Variants in ITGA4 observed in about 807,000 individuals in gnomAD.
The protein encoded by ITGA4 is integrin alpha-4.
ITGA4 carries 63 observed loss-of-function variants against 133.6 expected under a neutral mutation model. That is an observed-to-expected ratio of 0.47 (90% CI 0.38 to 0.58). The LOEUF is 0.58. Among genes scored for constraint, ITGA4 ranks in the 20% least tolerant of loss-of-function variants. The pLI is 0.00. For synonymous variants in ITGA4, 483 were observed against 438.0 expected, an observed-to-expected ratio of 1.10 and a Z score of -1.28; for missense variants, 1,076 against 1,252.7, an observed-to-expected ratio of 0.86 and a Z score of 2.13.
chr2:181,511,736 C>G lies in ITGA4; in HGVS notation c.1883C>G (p.Ser628Cys). Residue 628 changes from serine to cysteine, a missense_variant, in exon 17 of 28, where the codon TCT (serine) becomes TGT (cysteine). Around this residue, in one of 4 missense-constraint regions of ITGA4, gnomAD observed 365 missense variants for 421.4 expected, o/e 0.87. Coordinates refer to ENST00000397033, the MANE Select transcript of ITGA4 (RefSeq NM_000885.6). ...AGGTTTTGTGCCCATGAAAATTGTT[C>G]TGCTGATTTACAGGTTTCTGCAAAG... ...FARFCAHENC[S>C]ADLQVSAKIG... 1 of 1,599,618 alleles carries G rather than the reference C, an allele frequency of 6.3e-7. No homozygotes were observed. The highest frequency in any genetic ancestry group is 8.6e-7 in the Non-Finnish European group (1 of 1,167,506).
intron 12 of ITGA4, 32 bp downstream of exon 12, chr2:181,494,844 T>C (rs1174251653): frequency 1.8e-6 from 2 of 1,111,196 alleles, no homozygotes; most frequent in African/African-American, 3.1e-5. Context: ...ATTTATAAAT[T>C]GGAATAAGCT....
intron 4 of ITGA4, among the ~76,000 whole-genome samples, chr2:181,478,415 C>G (rs1685730200): frequency 6.6e-6 from 1 of 152,006 alleles, no homozygotes; most frequent in Non-Finnish European, 1.5e-5. Context: ...ATACGCATAT[C>G]AAACCTGATG....
chr2:181,527,228 T>C (rs1686851989), intron 21 of ITGA4, 69 bp from the exon 22 acceptor site: 9 of 917,198 alleles, frequency 9.8e-6, no homozygotes, highest in East Asian at 2.5e-5. Flanking sequence ...ATCCAGACTA[T>C]AGAAAAAGAC....
In ITGA4 at chr2:181,537,468, A is replaced by G. The variant is rs916380163; in HGVS notation, c.*1941A>G. On this transcript the variant is annotated 3_prime_UTR_variant, in exon 28 of 28. Transcript: ENST00000397033. ...TGAATTTTAAAACCCTACCACTTTA[A>G]GAAGACAGGGATGGGTTATTCTTTT... 4.4e-6 allele frequency: 2 copies of G among 453,660 alleles called. No individual in the cohort carries two copies. Among genetic ancestry groups the G allele is most frequent in the Non-Finnish European group, 8.8e-6 (2 of 226,716 alleles). 28.1% of individuals were successfully genotyped at this position (453,660 alleles called of 1,614,324 possible). A position where few individuals can be genotyped will look rare whatever the true frequency, so the allele number is the denominator to read the frequency against.
intron 6 of ITGA4, among the ~76,000 whole-genome samples, 194 bp downstream of exon 6, chr2:181,480,460 CAT>C (rs917160083): frequency 5.3e-5 from 8 of 152,088 alleles, no homozygotes; most frequent in African/African-American, 1.7e-4. Flanking sequence ...TACATTTACA[CAT>C]GTGACTAAAA....
chr2:181,538,228 T>C lies in ITGA4; in HGVS notation c.*2701T>C. 3.1e-6 allele frequency: 5 copies of C among 1,590,766 alleles called. No individual in the cohort carries two copies. The highest frequency in any genetic ancestry group is 3.4e-6 in the Non-Finnish European group (4 of 1,159,740). ...TCCATGCTTCCTCCATAAAGACTGA[T>C]AAGTCTTGGATGCAATCTGTAAAGA... On this transcript the variant is annotated 3_prime_UTR_variant, in exon 28 of 28. Coordinates refer to ENST00000397033, the MANE Select transcript of ITGA4 (RefSeq NM_000885.6).
intron 10 of ITGA4, among the ~76,000 whole-genome samples, chr2:181,486,667 A>G (rs1685926038): frequency 6.6e-6 from 1 of 152,208 alleles, no homozygotes; most frequent in African/African-American, 2.4e-5. Flanking sequence ...AAATCCCTGC[A>G]TCTACTAGCA....
intron 2 of ITGA4, 148 bp downstream of exon 2, chr2:181,458,465 C>T: frequency 1.2e-6 from 1 of 837,426 alleles, no homozygotes; most frequent in Non-Finnish European, 1.9e-6. Context: ...TCTCATCTTG[C>T]CTCCTTAATA....
In ITGA4 at chr2:181,536,789, T is replaced by TTTATGCTTATGATC. The variant is rs754903197; in HGVS notation, c.*1264_*1277dup. 14 of 253,460 alleles carry TTTATGCTTATGATC rather than the reference T, an allele frequency of 5.5e-5. No homozygotes were observed. In the South Asian group the frequency reaches 6.2e-4, roughly 11 times the overall value. The allele number at this position is 253,460 out of a possible 1,614,324, so 15.7% of individuals were successfully genotyped here. ...ATACAATCATTTTTGTAATATTTAT[T>TTTATGCTTATGATC]TTATGCTTATGATCTAGATAATTGC... On this transcript the variant is annotated 3_prime_UTR_variant, in exon 28 of 28. Coordinates refer to ENST00000397033, the MANE Select transcript of ITGA4 (RefSeq NM_000885.6).
chr2:181,472,007 G>C lies in ITGA4; in HGVS notation c.320-2953G>C, dbSNP rs920336756. 3.2e-5 allele frequency among the ~76,000 whole-genome samples: 4 copies of C among 123,722 alleles called. No homozygotes were observed. The Admixed American group carries it at 3.7e-4, about 11-fold the overall frequency. 81.2% of individuals were successfully genotyped at this position (123,722 alleles called of 152,430 possible). On this transcript the variant is annotated intron_variant, in intron 2 of 27. Coordinates refer to ENST00000397033, the MANE Select transcript of ITGA4 (RefSeq NM_000885.6). ...TTAGTGGCCCTTTTCCCAGAGAGCT[G>C]AGAGGCACTCATGTGGAGAGAAAGA...
intron 15 of ITGA4, among the ~76,000 whole-genome samples, chr2:181,504,598 T>G (rs1330423412): frequency 6.6e-6 from 1 of 152,054 alleles, no homozygotes; most frequent in Non-Finnish European, 1.5e-5. Context: ...GTACTAATAT[T>G]ATGGTATTCT....
chr2:181,475,828 A>C (rs1461470239), intron 4 of ITGA4: 1 of 1,602,826 alleles, frequency 6.2e-7, no homozygotes, highest in East Asian at 2.2e-5. Context: ...AGGTAGCATC[A>C]GCAAGTACAG....
At chr2:181,492,179 A>G (rs1325798640) in intron 10 of ITGA4, among the ~76,000 whole-genome samples, 1 of 152,238 alleles carries the variant, frequency 6.6e-6, no homozygotes, top group Non-Finnish European at 1.5e-5. Flanking sequence ...GAATGAATAA[A>G]TGAGTGGGCA....
rs1159237720 is a variant in ITGA4, at chr2:181,458,412, T to C, written c.319+95T>C. On this transcript the variant is annotated intron_variant, in intron 2 of 27. Transcript: ENST00000397033. ...TCCTGGAAAGATTCACGTTGCCTGT[T>C]ACTTCTGGTTTAAAGAGCATAAAGT... 6.9e-6 allele frequency: 10 copies of C among 1,458,948 alleles called. No individual in the cohort carries two copies. In the East Asian group the frequency reaches 9.8e-5, roughly 14 times the overall value. The allele number at this position is 1,458,948 out of a possible 1,614,324, so 90.4% of individuals were successfully genotyped here.
intron 5 of ITGA4, 86 bp downstream of exon 5, chr2:181,478,910 A>T (rs1685741253): frequency 1.5e-6 from 1 of 653,174 alleles, no homozygotes; most frequent in South Asian, 4.1e-5. Flanking sequence ...TATGTTTTAA[A>T]GTAAAAATTG....
intron 9 of ITGA4, 99 bp from the exon 10 acceptor site, chr2:181,485,782 T>C: frequency 1.0e-6 from 1 of 973,142 alleles, no homozygotes; most frequent in East Asian, 2.6e-5. Context: ...CCAACTTGTT[T>C]GACACATTAG....
intron 10 of ITGA4, among the ~76,000 whole-genome samples, chr2:181,490,104 T>A (rs1686014874): frequency 6.6e-6 from 1 of 152,196 alleles, no homozygotes; most frequent in Non-Finnish European, 1.5e-5. Context: ...ATTTTCACAG[T>A]GCTTTTCTAT....
intron 22 of ITGA4, among the ~76,000 whole-genome samples, chr2:181,529,098 A>T (rs1039183485): frequency 4.6e-5 from 7 of 152,236 alleles, no homozygotes; most frequent in African/African-American, 1.4e-4. Context: ...AGTTTTGGTC[A>T]TAACTCTTGT....
intron 17 of ITGA4, among the ~76,000 whole-genome samples, chr2:181,518,999 C>A (rs2105762657): frequency 6.6e-6 from 1 of 151,918 alleles, no homozygotes; most frequent in South Asian, 2.1e-4. Flanking sequence ...ATGTATCTAG[C>A]CTACAGAATT....
Sources: gnomAD v4.1 joint callset for allele counts (sites outside exome capture counted in the v4.1 genomes callset) on GRCh38, gnomAD v4.1.1 for gene constraint, gnomAD v4.1.1 regional missense constraint, MANE v1.5 for transcripts, NCBI Gene and HGNC (gene_info 2026-07-23, HGNC 2026-07-21) for gene names.